Variants in DAAM2 observed in about 807,000 individuals in gnomAD.
The protein encoded by DAAM2 is dishevelled associated activator of morphogenesis 2, also known as disheveled-associated activator of morphogenesis 2.
A neutral mutation model predicts 120.7 loss-of-function variants in DAAM2; 39 were observed. That is an observed-to-expected ratio of 0.32 (90% CI 0.25 to 0.42). DAAM2 has a LOEUF of 0.42. Ranked by LOEUF, DAAM2 falls within the 10% of genes least tolerant of loss-of-function variation. The pLI is 1.00. For synonymous variants in DAAM2, 488 were observed against 524.9 expected (o/e 0.93, Z 0.96); for missense variants, 1,283 against 1,401.7 (o/e 0.92, Z 1.35).
At position 39,879,182 on chromosome 6, in the gene DAAM2, G is replaced by A. The variant is rs1359287872; in HGVS notation, c.1550G>A (p.Gly517Asp). The change falls in exon 14 of 25, where the codon GGC becomes GAC. Residue 517 changes from glycine (G) to aspartate (D), a missense_variant. Transcript: ENST00000274867. ...AATTTTTCTGTTTCCTCACAGACAG[G>A]CCCTGTATCTTCCCCACCACCCCCT... ...LVAQLSELST[G>D]PVSSPPPPGG... 1 of 1,546,148 alleles carries A rather than the reference G, an allele frequency of 6.5e-7. No homozygotes were observed. Among genetic ancestry groups the A allele is most frequent in the East Asian group, 2.4e-5 (1 of 40,896 alleles).
At chr6:39,852,979 A>G (rs189901212) in intron 1 of DAAM2, among the ~76,000 whole-genome samples, 89 of 152,312 alleles carry the variant, frequency 5.8e-4, no homozygotes, top group African/African-American at 1.6e-3. Flanking sequence ...AAACTAAGCT[A>G]TAGAGATTGA....
chr6:39,878,012 C>A lies in DAAM2; in HGVS notation c.1302-191C>A, dbSNP rs558780120. Among the ~76,000 whole-genome samples, 2 of 152,306 alleles carry A rather than the reference C, an allele frequency of 1.3e-5. No individual in the cohort carries two copies. The highest frequency in any genetic ancestry group is 4.1e-4 in the South Asian group (2 of 4,820). The stretch of plus-strand genomic sequence containing the variant: ...AAGGTCTTTTCTCTCACGGTCTCCA[C>A]AGACACATAATGTGAACGGGGCAGG... On this transcript the variant is annotated intron_variant, in intron 11 of 24. Coordinates refer to ENST00000274867, the MANE Select transcript of DAAM2 (RefSeq NM_001201427.2). The surrounding 1 kb of genome is among the most constrained non-coding windows in gnomAD (Gnocchi z 5.0).
intron 1 of DAAM2, among the ~76,000 whole-genome samples, chr6:39,797,578 C>T (rs1194346154): frequency 6.6e-6 from 1 of 152,218 alleles, no homozygotes; most frequent in East Asian, 1.9e-4. Context: ...TGCTTGGGCC[C>T]ACCCCAGATC....
intron 2 of DAAM2, among the ~76,000 whole-genome samples, chr6:39,857,868 C>G (rs545643278): frequency 7.9e-5 from 12 of 152,130 alleles, no homozygotes; most frequent in Admixed American, 7.9e-4. Flanking sequence ...GAGACCTCCC[C>G]TGCCTCCAAG....
chr6:39,856,355 G>C lies in DAAM2; in HGVS notation c.53G>C (p.Gly18Ala). 6.4e-7 allele frequency: 1 copy of C among 1,554,112 alleles called. No individual in the cohort carries two copies. The highest frequency in any genetic ancestry group is 8.7e-7 in the Non-Finnish European group (1 of 1,149,746). ...HHGLGFLCCF[G>A]GSDIPEINLR... is the part of the protein sequence containing the mutation. ...GGCCTGGGCTTCCTGTGCTGCTTCG[G>C]GGGCAGTGACATCCCCGAAATCAAC... is the stretch of plus-strand genomic sequence containing the variant. The change falls in exon 2 of 25, where the codon GGG (glycine) becomes GCG (alanine). Residue 18 changes from glycine (G) to alanine (A), a missense_variant. Physicochemically the swap from Gly to Ala is moderately conservative, Grantham distance 60. Coordinates refer to ENST00000274867, the MANE Select transcript of DAAM2 (RefSeq NM_001201427.2).
chr6:39,879,045 T>A (rs1011767018), intron 13 of DAAM2, 133 bp from the exon 14 acceptor site: 12 of 632,694 alleles, frequency 1.9e-5, no homozygotes, highest in Non-Finnish European at 3.0e-5. Flanking sequence ...TGGGGCCAAA[T>A]GTGTGTAGAA....
chr6:39,854,504 G>T (rs747817973), intron 1 of DAAM2, among the ~76,000 whole-genome samples: 4 of 152,152 alleles, frequency 2.6e-5, no homozygotes, highest in Non-Finnish European at 5.9e-5. Flanking sequence ...TAAAAATTCT[G>T]TCACAAAGTT....
intron 19 of DAAM2, among the ~76,000 whole-genome samples, chr6:39,892,348 C>T (rs1383383373): frequency 6.6e-6 from 1 of 152,214 alleles, no homozygotes; most frequent in African/African-American, 2.4e-5. Flanking sequence ...TTCCATGTGG[C>T]TCCATTCTCT....
chr6:39,891,736 T>C lies in DAAM2; in HGVS notation c.2341+14T>C, dbSNP rs1318631185. On this transcript the variant is annotated intron_variant, in intron 19 of 24. Coordinates refer to ENST00000274867, the MANE Select transcript of DAAM2 (RefSeq NM_001201427.2). ...CCAAAGTGGAAGGTAGGGCTGAGGG[T>C]TGCAGGAGGCTTAGAGTGGAGAGTT... 2.5e-6 allele frequency: 4 copies of C among 1,587,460 alleles called. No homozygotes were observed. The highest frequency in any genetic ancestry group is 2.3e-5 in the East Asian group (1 of 43,506).
At chr6:39,827,945 C>T (rs1022709904) in intron 1 of DAAM2, among the ~76,000 whole-genome samples, 1 of 152,102 alleles carries the variant, frequency 6.6e-6, no homozygotes, top group Admixed American at 6.5e-5. Context: ...CCTCGCTGTC[C>T]TTGGAGACTC....
chr6:39,846,743 A>T (rs548090616), intron 1 of DAAM2, among the ~76,000 whole-genome samples: 1 of 148,554 alleles, frequency 6.7e-6, no homozygotes, highest in East Asian at 2.0e-4. Context: ...GTTGCCCCAC[A>T]TCCACACTTT....
intron 1 of DAAM2, among the ~76,000 whole-genome samples, chr6:39,797,150 A>G (rs916208091): frequency 6.6e-6 from 1 of 152,194 alleles, no homozygotes; most frequent in Non-Finnish European, 1.5e-5. Flanking sequence ...TATTGGAATA[A>G]AGGAAAGGCC....
chr6:39,831,394 C>G (rs1036203096), intron 1 of DAAM2, among the ~76,000 whole-genome samples: 1 of 152,030 alleles, frequency 6.6e-6, no homozygotes, highest in Admixed American at 6.5e-5. Flanking sequence ...TGGTGCTACC[C>G]TAATCACTGT....
At chr6:39,851,591 G>A (rs1379592705) in intron 1 of DAAM2, among the ~76,000 whole-genome samples, 2 of 152,186 alleles carry the variant, frequency 1.3e-5, no homozygotes, top group African/African-American at 4.8e-5. Context: ...GTGTGCAGTG[G>A]CTAGGGGTTA....
intron 11 of DAAM2, among the ~76,000 whole-genome samples, chr6:39,876,769 G>A (rs1462784689): frequency 6.6e-6 from 1 of 152,088 alleles, no homozygotes; most frequent in Non-Finnish European, 1.5e-5. Context: ...ATGTCTGTGT[G>A]TGATATTTGC....
intron 21 of DAAM2, 56 bp downstream of exon 21, chr6:39,897,338 A>T: frequency 2.5e-6 from 3 of 1,206,294 alleles, no homozygotes; most frequent in Admixed American, 3.4e-5. Context: ...TTCTTGTCTT[A>T]CTTTCCTCTT....
intron 1 of DAAM2, among the ~76,000 whole-genome samples, chr6:39,828,570 C>CTTTTTTTTTTTTTTTTT (rs1430820441): frequency 8.4e-5 from 12 of 142,552 alleles, no homozygotes; most frequent in South Asian, 2.3e-4. Context: ...CCCCCTCCGT[C>CTTTTTTTTTTTTTTTTT]TTTTTTTTTT....
chr6:39,859,917 A>G (rs1478596480), intron 2 of DAAM2, among the ~76,000 whole-genome samples: 3 of 152,176 alleles, frequency 2.0e-5, no homozygotes, highest in Non-Finnish European at 4.4e-5. Flanking sequence ...ACTTCCTTAG[A>G]TATTGTTTTC....
At chr6:39,869,965 A>G (rs574832149) in intron 7 of DAAM2, among the ~76,000 whole-genome samples, 3 of 151,944 alleles carry the variant, frequency 2.0e-5, no homozygotes, top group African/African-American at 4.8e-5. Context: ...TAGTTATGCT[A>G]TGATCATTTC....
Sources: gnomAD v4.1 joint callset for allele counts (sites outside exome capture counted in the v4.1 genomes callset) on GRCh38, gnomAD v4.1.1 for gene constraint, Gnocchi (gnomAD v3.1) non-coding constraint, MANE v1.5 for transcripts, NCBI Gene and HGNC (gene_info 2026-07-23, HGNC 2026-07-21) for gene names.